MS4A15: variants seen among roughly 807,000 people sequenced by gnomAD.
MS4A15 encodes the protein membrane spanning 4-domains A15.
MS4A15 carries 22 observed loss-of-function variants against 20.6 expected under a neutral mutation model. The ratio of observed to expected loss-of-function variants is 1.07; its 90% CI spans 0.76 to 1.52. The LOEUF (loss-of-function observed/expected upper bound fraction) is 1.52. MS4A15 is among the 40% of genes most tolerant of loss of function. MS4A15 has a pLI of 0.00. For missense variants in MS4A15, 312 were observed against 323.0 expected (o/e 0.97, Z 0.26); for synonymous variants, 129 against 129.3 (o/e 1.00, Z 0.02).
intron 1 of MS4A15, among the ~76,000 whole-genome samples, chr11:60,762,731 A>G (rs1200056984): frequency 8.5e-5 from 13 of 152,218 alleles, no homozygotes; most frequent in African/African-American, 2.9e-4. Flanking sequence ...TAAAAATTAA[A>G]GAAGGGGGAG....
intron 6 of MS4A15, 116 bp downstream of exon 6, chr11:60,774,066 C>A (rs1854121070): frequency 3.9e-6 from 3 of 764,172 alleles, no homozygotes; most frequent in Non-Finnish European, 4.5e-6. Context: ...CTCTGGGAAG[C>A]AATAAGAAGA....
At chr11:60,772,439 C>T (rs573405654) in intron 4 of MS4A15, among the ~76,000 whole-genome samples, 104 of 152,274 alleles carry the variant, frequency 6.8e-4, no homozygotes, top group African/African-American at 2.5e-3. Flanking sequence ...CCCAGTGTCC[C>T]CCGGGCTGTG....
rs758212378 is a variant in MS4A15, at chr11:60,767,548, A to C, written c.241A>C (p.Ile81Leu). ...CTTCCCGCAGACGGTGCAGATCCTCATCGGCCTCATCCACCTAGGCTTTGG... is the reference window on the plus strand; with the variant it reads ...CTTCCCGCAGACGGTGCAGATCCTCCTCGGCCTCATCCACCTAGGCTTTGG... ...PKVLGTVQIL[I>L]GLIHLGFGSV... is the part of the protein sequence containing the mutation. The change falls in exon 3 of 7, where the codon ATC becomes CTC. Residue 81 changes from isoleucine (I) to leucine (L), a missense_variant. Coordinates refer to ENST00000405633, the MANE Select transcript of MS4A15 (RefSeq NM_001098835.2). The C allele has an allele frequency of 6.5e-7, 1 of 1,547,432 alleles. No homozygotes were observed. Among genetic ancestry groups the C allele is most frequent in the Admixed American group, 2.0e-5 (1 of 50,266 alleles).
chr11:60,771,343 G>A lies in MS4A15; in HGVS notation c.401G>A (p.Cys134Tyr). 1 of 1,614,090 alleles carries A rather than the reference G, an allele frequency of 6.2e-7. No individual in the cohort carries two copies. The highest frequency in any genetic ancestry group is 1.7e-4 in the Middle Eastern group (1 of 6,060). Residue 134 changes from cysteine (C) to tyrosine (Y), a missense_variant, in exon 4 of 7, where the codon TGC (cysteine) becomes TAC (tyrosine). Cys to Tyr is a radical substitution (Grantham distance 194). Coordinates refer to ENST00000405633, the MANE Select transcript of MS4A15 (RefSeq NM_001098835.2). ...SVAAEKNHTS[C>Y]LVRSSLGTNI... ...GCAGCCGAGAAGAACCACACCAGTT[G>A]CCTGGTGAGTGTGAACAGGGGGACC...
chr11:60,765,368 C>G (rs540997359), intron 2 of MS4A15, among the ~76,000 whole-genome samples: 2 of 151,988 alleles, frequency 1.3e-5, no homozygotes, highest in African/African-American at 4.8e-5. Context: ...TGTTCCTTGG[C>G]CTCAGTTTCT....
intron 1 of MS4A15, among the ~76,000 whole-genome samples, chr11:60,760,013 C>G (rs1419624346): frequency 3.3e-5 from 5 of 152,180 alleles, no homozygotes; most frequent in African/African-American, 1.2e-4. Flanking sequence ...GCCCACCGTT[C>G]TTTCTCTGTA....
chr11:60,767,519 G>A lies in MS4A15; in HGVS notation c.226-14G>A, dbSNP rs111249236. ...AACAGGGCCCGCGGCACTGAGCCTC[G>A]GGGCTTCCCGCAGACGGTGCAGATC... On this transcript the variant is annotated splice_polypyrimidine_tract_variant and intron_variant, in intron 2 of 6. Coordinates refer to ENST00000405633, the MANE Select transcript of MS4A15 (RefSeq NM_001098835.2). 13 of 1,509,996 alleles carry A rather than the reference G, an allele frequency of 8.6e-6. No individual in the cohort carries two copies. Among genetic ancestry groups the A allele is most frequent in the South Asian group, 6.3e-5 (5 of 79,338 alleles). 93.5% of individuals were successfully genotyped at this position (1,509,996 alleles called of 1,614,324 possible). A position where few individuals can be genotyped will look rare whatever the true frequency, so the allele number is the denominator to read the frequency against.
chr11:60,773,563 G>A, intron 5 of MS4A15, 79 bp downstream of exon 5: 1 of 1,337,096 alleles, frequency 7.5e-7, no homozygotes, highest in Non-Finnish European at 1.1e-6. Flanking sequence ...GGAGGTGAGA[G>A]TTTGCAGCGC....
At chr11:60,761,813 A>G (rs114689448) in intron 1 of MS4A15, among the ~76,000 whole-genome samples, 1,748 of 152,328 alleles carry the variant, frequency 0.011, 27 homozygotes, top group African/African-American at 0.039. Context: ...GCACTCTTAT[A>G]TACTTTTGTT....
intron 5 of MS4A15, 44 bp from the exon 6 acceptor site, chr11:60,773,793 C>T (rs945887315): frequency 3.2e-6 from 5 of 1,553,906 alleles, no homozygotes; most frequent in Non-Finnish European, 3.6e-6. Context: ...GACCCCCTTA[C>T]TCTAGAACTC....
intron 2 of MS4A15, among the ~76,000 whole-genome samples, chr11:60,764,754 C>A (rs368623877): frequency 1.3e-3 from 202 of 152,098 alleles, no homozygotes; most frequent in Middle Eastern, 3.4e-3. Context: ...ACTAGAAATA[C>A]AAAAATTAGC....
chr11:60,771,473 C>A (rs1236115072), intron 4 of MS4A15, 126 bp downstream of exon 4: 1 of 1,547,954 alleles, frequency 6.5e-7, no homozygotes, highest in Admixed American at 1.9e-5. Flanking sequence ...CTGCAAAGTG[C>A]CAGGGGAGGG....
rs201494996 is a variant in MS4A15, at chr11:60,763,733, G to C, written c.-1G>C. 1.6e-5 allele frequency: 26 copies of C among 1,612,010 alleles called. No individual in the cohort carries two copies. In the East Asian group the frequency reaches 5.8e-4, roughly 36 times the overall value. ...TTTGTTTCCCAGGCTCTCTGAGCAC[G>C]ATGTCTGCAGCTCCCGCCAGCAATG... On this transcript the variant is annotated 5_prime_UTR_variant, in exon 2 of 7. Transcript: ENST00000405633.
At chr11:60,761,892 A>G (rs965708916) in intron 1 of MS4A15, among the ~76,000 whole-genome samples, 4 of 152,226 alleles carry the variant, frequency 2.6e-5, no homozygotes, top group African/African-American at 9.6e-5. Flanking sequence ...TCCAGTAGTT[A>G]GTATGCTACA....
intron 1 of MS4A15, among the ~76,000 whole-genome samples, chr11:60,763,247 A>T (rs1054906857): frequency 6.6e-6 from 1 of 151,990 alleles, no homozygotes; most frequent in Non-Finnish European, 1.5e-5. Context: ...TCCCATACCC[A>T]GGGGAATTAT....
chr11:60,767,424 C>T, intron 2 of MS4A15, 109 bp from the exon 3 acceptor site: 1 of 1,300,392 alleles, frequency 7.7e-7, no homozygotes, highest in Non-Finnish European at 1.0e-6. Context: ...GTTTCTTTCC[C>T]AGTGGCCAAC....
chr11:60,768,637 T>A (rs561713001), intron 3 of MS4A15, among the ~76,000 whole-genome samples: 2 of 152,336 alleles, frequency 1.3e-5, no homozygotes, highest in African/African-American at 4.8e-5. Context: ...TGAATCTCGA[T>A]ACTCAACTTC....
chr11:60,768,293 AAAC>A (rs1206696107), intron 3 of MS4A15, among the ~76,000 whole-genome samples: 1 of 152,158 alleles, frequency 6.6e-6, no homozygotes, highest in Non-Finnish European at 1.5e-5. Context: ...CCTCCCGCAG[AAAC>A]CCTCTAGCTC....
At position 60,767,665 on chromosome 11, in the gene MS4A15, G is replaced by A. The variant is rs1235374889; in HGVS notation, c.348+10G>A. 3.9e-6 allele frequency: 6 copies of A among 1,542,388 alleles called. No individual in the cohort carries two copies. In the Admixed American group the frequency reaches 1.0e-4, roughly 26 times the overall value. On this transcript the variant is annotated intron_variant, in intron 3 of 6. Transcript: ENST00000405633. ...CTGGGGAGGAGCCTGCGTGAGTGCC[G>A]GGGCCATGGAGAGGGAGGGTAGGGG...
Sources: gnomAD v4.1 joint callset for allele counts (sites outside exome capture counted in the v4.1 genomes callset) on GRCh38, gnomAD v4.1.1 for gene constraint, MANE v1.5 for transcripts, NCBI Gene and HGNC (gene_info 2026-07-23, HGNC 2026-07-21) for gene names.